The following PPFIA2 variants were observed in gnomAD, a reference collection of about 807,000 sequenced individuals.
PPFIA2 encodes the protein liprin-alpha-2.
Under a neutral mutation model 175.5 loss-of-function variants are expected in PPFIA2, and 46 were observed. The ratio of observed to expected loss-of-function variants is 0.26; its 90% CI spans 0.21 to 0.34. PPFIA2 has a LOEUF of 0.34. Among genes scored for constraint, PPFIA2 ranks in the 10% least tolerant of loss-of-function variants. The probability of loss-of-function intolerance (pLI) is 1.00; values close to 1 mark genes in which losing one functional copy is unlikely to be tolerated. For synonymous variants in PPFIA2, 568 were observed against 511.4 expected (o/e 1.11, Z -1.49); for missense variants, 1,179 against 1,506.1 (o/e 0.78, Z 3.60).
rs1567686934 is a variant in PPFIA2, at chr12:81,642,697, C to CACATGT, written c.303+34093_303+34094insACATGT. On this transcript the variant is annotated intron_variant, in intron 4 of 32. Transcript: ENST00000549396. ...CATGTATGTATCTATTATATACATA[C>CACATGT]ATGTATATGTATGTATGTATTATAT... Among the ~76,000 whole-genome samples, 2 of 6,716 alleles carry CACATGT rather than the reference C, an allele frequency of 3.0e-4. 1 individual carries two copies. The highest frequency in any genetic ancestry group is 9.6e-4 in the African/African-American group (2 of 2,082). 4.4% of individuals were successfully genotyped at this position (6,716 alleles called of 152,430 possible).
chr12:81,716,635 A>G (rs1298955513), intron 3 of PPFIA2, among the ~76,000 whole-genome samples: 1 of 151,650 alleles, frequency 6.6e-6, no homozygotes, highest in African/African-American at 2.4e-5. Context: ...AGCAAAAATA[A>G]ATGCCTAAAA....
chr12:81,598,927 T>A (rs2059528191), intron 4 of PPFIA2, among the ~76,000 whole-genome samples: 1 of 152,018 alleles, frequency 6.6e-6, no homozygotes, highest in African/African-American at 2.4e-5. Context: ...TTTTAAATAA[T>A]CACAACCTTA....
At chr12:81,620,564 C>A (rs751745812) in intron 4 of PPFIA2, among the ~76,000 whole-genome samples, 3 of 152,120 alleles carry the variant, frequency 2.0e-5, no homozygotes, top group Non-Finnish European at 4.4e-5. Context: ...CCTAACGAAC[C>A]GTATGAACTT....
At chr12:81,476,385 C>G (rs903162751) in intron 4 of PPFIA2, among the ~76,000 whole-genome samples, 27 of 152,120 alleles carry the variant, frequency 1.8e-4, no homozygotes, top group African/African-American at 2.4e-5. Context: ...AGCTCCAATA[C>G]TGAATATTAA....
chr12:81,393,873 C>G (rs1188169347), intron 8 of PPFIA2, among the ~76,000 whole-genome samples: 2 of 152,020 alleles, frequency 1.3e-5, no homozygotes, highest in Admixed American at 6.6e-5. Context: ...ATGGAAAATT[C>G]TTCCTGAAGA....
chr12:81,589,720 C>T (rs1278404306), intron 4 of PPFIA2, among the ~76,000 whole-genome samples: 1 of 151,968 alleles, frequency 6.6e-6, no homozygotes, highest in Non-Finnish European at 1.5e-5. Context: ...TATATTACTC[C>T]CTCTTTGCGT....
intron 9 of PPFIA2, among the ~76,000 whole-genome samples, chr12:81,376,866 C>T (rs913592105): frequency 1.3e-5 from 2 of 152,120 alleles, no homozygotes; most frequent in Admixed American, 1.3e-4. Flanking sequence ...TATTCTTAAT[C>T]AGTGCCTTTG....
intron 6 of PPFIA2, among the ~76,000 whole-genome samples, chr12:81,441,415 A>C (rs940931933): frequency 2.0e-5 from 3 of 152,030 alleles, no homozygotes; most frequent in Non-Finnish European, 4.4e-5. Context: ...AAATTCTCTA[A>C]AAACAATAAT....
intron 5 of PPFIA2, among the ~76,000 whole-genome samples, chr12:81,452,173 T>C (rs2052710618): frequency 6.6e-6 from 1 of 152,128 alleles, no homozygotes; most frequent in African/African-American, 2.4e-5. Context: ...GACTAAGTTT[T>C]GCCTTGAAAA....
At chr12:81,639,452 C>T (rs1425407747) in intron 4 of PPFIA2, among the ~76,000 whole-genome samples, 1 of 151,962 alleles carries the variant, frequency 6.6e-6, no homozygotes, top group Non-Finnish European at 1.5e-5. Flanking sequence ...TAAAACACAA[C>T]CACCCACATT....
intron 3 of PPFIA2, among the ~76,000 whole-genome samples, chr12:81,712,726 G>T (rs1432859317): frequency 6.7e-6 from 1 of 150,052 alleles, no homozygotes; most frequent in Non-Finnish European, 1.5e-5. Context: ...TAACATAAAA[G>T]GATTTTTTTT....
intron 24 of PPFIA2, among the ~76,000 whole-genome samples, chr12:81,287,122 G>A (rs968575379): frequency 1.3e-5 from 2 of 151,820 alleles, no homozygotes; most frequent in African/African-American, 4.8e-5. Context: ...TATACTGTTG[G>A]TTCAAAGTGA....
At chr12:81,425,023 T>C (rs986989398) in intron 7 of PPFIA2, 1 of 152,228 alleles carries the variant, frequency 6.6e-6, no homozygotes, top group Non-Finnish European at 1.5e-5. Flanking sequence ...GGGAAATGGC[T>C]CAGGCATTTA....
chr12:81,467,395 A>G (rs2055870045), intron 4 of PPFIA2, among the ~76,000 whole-genome samples: 1 of 127,324 alleles, frequency 7.9e-6, no homozygotes, highest in Non-Finnish European at 1.9e-5. Flanking sequence ...AAGCTTTCTT[A>G]AACATGTCTC....
chr12:81,401,530 TACC>T (rs2042099206), intron 8 of PPFIA2, among the ~76,000 whole-genome samples: 1 of 152,190 alleles, frequency 6.6e-6, no homozygotes, highest in Non-Finnish European at 1.5e-5. Context: ...TTATTTTTGA[TACC>T]ACAATATTTA....
At chr12:81,424,452 A>C (rs2046808077) in intron 7 of PPFIA2, among the ~76,000 whole-genome samples, 1 of 152,174 alleles carries the variant, frequency 6.6e-6, no homozygotes, top group East Asian at 1.9e-4. Flanking sequence ...CTTTCTATTT[A>C]TTGCTGGTGT....
At chr12:81,549,435 T>C (rs949346093) in intron 4 of PPFIA2, among the ~76,000 whole-genome samples, 1 of 152,092 alleles carries the variant, frequency 6.6e-6, no homozygotes, top group Non-Finnish European at 1.5e-5. Flanking sequence ...TCTAAAAATA[T>C]GACCTAGATG....
At position 81,259,130 on chromosome 12, in the gene PPFIA2, G is replaced by A. The variant is rs767781693; in HGVS notation, c.*564C>T. ...AGCTTTAAGTATTGACAGACTTGAA[G>A]GAGAAACACGTTGAAGCATGAAACA... On this transcript the variant is annotated 3_prime_UTR_variant, in exon 33 of 33. Transcript: ENST00000549396. 8 of 190,630 alleles carry A rather than the reference G, an allele frequency of 4.2e-5. 1 individual carries two copies. Among genetic ancestry groups the A allele is most frequent in the African/African-American group, 9.6e-5 (4 of 41,622 alleles). The allele number at this position is 190,630 out of a possible 1,614,324, so 11.8% of individuals were successfully genotyped here.
rs771573205 is a variant in PPFIA2, at chr12:81,281,258, G to A, written c.3211C>T (p.Arg1071Ter). 2 of 1,575,476 alleles carry A rather than the reference G, an allele frequency of 1.3e-6. No homozygotes were observed. The highest frequency in any genetic ancestry group is 1.7e-6 in the Non-Finnish European group (2 of 1,158,542). Residue 1071 changes from arginine (R) to a stop codon, truncating the protein, a stop_gained and splice_region_variant, in exon 27 of 33, where the codon CGA (arginine) becomes TGA (stop). Transcript: ENST00000549396. LOFTEE classifies it high-confidence loss of function. ...VHLKMVDSFH[R>*]TSLQYGIMCL... ...GGAAAAAAAAGAAAAAACACCTACCGATGGAAACTATCCACCATTTTTAAA... is the reference window on the plus strand; with the variant it reads ...GGAAAAAAAAGAAAAAACACCTACCAATGGAAACTATCCACCATTTTTAAA...
Sources: allele counts gnomAD v4.1 joint callset (sites outside exome capture counted in the v4.1 genomes callset), GRCh38; gene constraint gnomAD v4.1.1; transcripts MANE v1.5; gene names NCBI Gene and HGNC (gene_info 2026-07-23, HGNC 2026-07-21).